NOTCH2: variants seen among roughly 807,000 people sequenced by gnomAD.
The protein encoded by NOTCH2 is notch receptor 2.
NOTCH2 carries 29 observed loss-of-function variants against 235.8 expected under a neutral mutation model. That is an observed-to-expected ratio of 0.12 (90% CI 0.09 to 0.17). NOTCH2 has a LOEUF of 0.17. Among genes scored for constraint, NOTCH2 ranks in the 10% least tolerant of loss-of-function variants. The pLI is 1.00. For missense variants in NOTCH2, 2,285 were observed against 3,150.2 expected, an observed-to-expected ratio of 0.73 and a Z score of 6.57; for synonymous variants, 1,086 against 1,141.5, an observed-to-expected ratio of 0.95 and a Z score of 0.98.
At chr1:119,959,063 G>A (rs1244848575) in intron 12 of NOTCH2, among the ~76,000 whole-genome samples, 1 of 152,134 alleles carries the variant, frequency 6.6e-6, no homozygotes, top group Non-Finnish European at 1.5e-5. Flanking sequence ...TGTCTTTACG[G>A]AAGGCCTTGA....
chr1:119,919,621 A>C lies in NOTCH2; in HGVS notation c.5480-8T>G. ...TCAATGGGGTGCAGCCATCTGTAGGAATGGAAAATTCCATAAAGTACTCAA... is the reference window on the plus strand; with the variant it reads ...TCAATGGGGTGCAGCCATCTGTAGGCATGGAAAATTCCATAAAGTACTCAA... On this transcript the variant is annotated splice_polypyrimidine_tract_variant and splice_region_variant and intron_variant, in intron 30 of 33. Coordinates refer to ENST00000256646, the MANE Select transcript of NOTCH2 (RefSeq NM_024408.4). 6.2e-7 allele frequency: 1 copy of C among 1,613,518 alleles called. No individual in the cohort carries two copies. The highest frequency in any genetic ancestry group is 8.5e-7 in the Non-Finnish European group (1 of 1,179,752).
In NOTCH2 at chr1:119,912,189, G is replaced by A. The variant is rs587692047; in HGVS notation, c.*3117C>T. On this transcript the variant is annotated 3_prime_UTR_variant, in exon 34 of 34. Coordinates refer to ENST00000256646, the MANE Select transcript of NOTCH2 (RefSeq NM_024408.4). The stretch of plus-strand genomic sequence containing the variant: ...TTACTACGTTTAGTCAGGAATATGC[G>A]GTCATTTTATTGGTTACTGGGTTTC... The A allele has an allele frequency of 1.3e-5, 3 of 233,282 alleles. No homozygotes were observed. The highest frequency in any genetic ancestry group is 1.8e-4 in the South Asian group (1 of 5,522). The allele number at this position is 233,282 out of a possible 1,614,324, so 14.5% of individuals were successfully genotyped here.
chr1:120,041,034 C>T (rs1203725242), intron 1 of NOTCH2, among the ~76,000 whole-genome samples: 3 of 86,558 alleles, frequency 3.5e-5, no homozygotes, highest in Non-Finnish European at 6.2e-5. Context: ...GAGCAAGACT[C>T]TGCCTGCAAA....
chr1:120,005,117 A>G, intron 3 of NOTCH2: 1 of 783,846 alleles, frequency 1.3e-6, no homozygotes, highest in Non-Finnish European at 2.1e-6. Flanking sequence ...CAGTCAAAGT[A>G]TTTGGTACTT....
At position 119,915,490 on chromosome 1, in the gene NOTCH2, T is replaced by G. The variant is rs1180633619; in HGVS notation, c.7232A>C (p.Glu2411Ala). ...TPSHSGHLQG[E>A]HPYLTPSPES... The stretch of plus-strand genomic sequence containing the variant: ...TGGGGATGGTGTCAGGTAGGGATGC[T>G]CACCCTGGAGGTGACCACTGTGACT... Residue 2411 changes from glutamate to alanine, a missense_variant, in exon 34 of 34, where the codon GAG (glutamate) becomes GCG (alanine). Glu to Ala is a moderately radical substitution (Grantham distance 107). Coordinates refer to ENST00000256646, the MANE Select transcript of NOTCH2 (RefSeq NM_024408.4). 5 of 1,614,130 alleles carry G rather than the reference T, an allele frequency of 3.1e-6. No homozygotes were observed. The highest frequency in any genetic ancestry group is 4.2e-6 in the Non-Finnish European group (5 of 1,180,014).
At position 119,912,766 on chromosome 1, in the gene NOTCH2, T is replaced by C. The variant is rs1422484640; in HGVS notation, c.*2540A>G. 8.6e-6 allele frequency: 2 copies of C among 233,472 alleles called. No individual in the cohort carries two copies. The highest frequency in any genetic ancestry group is 1.7e-5 in the Non-Finnish European group (2 of 118,020). 14.5% of individuals were successfully genotyped at this position (233,472 alleles called of 1,614,324 possible). On this transcript the variant is annotated 3_prime_UTR_variant, in exon 34 of 34. Transcript: ENST00000256646. ...GAGAAAGTGATTATCCATCTTACCT[T>C]CCCTTTTATTAGATACCACACAATT...
chr1:120,041,055 A>T (rs1393555170), intron 1 of NOTCH2, among the ~76,000 whole-genome samples: 1 of 112,728 alleles, frequency 8.9e-6, no homozygotes, highest in Non-Finnish European at 1.6e-5. Flanking sequence ...AAAAAAAAAA[A>T]AAAAAAAAAA....
intron 22 of NOTCH2, 57 bp downstream of exon 22, chr1:119,935,415 G>A (rs2101182170): frequency 6.8e-6 from 11 of 1,613,690 alleles, no homozygotes; most frequent in Non-Finnish European, 9.3e-6. Context: ...CACTAAGAAT[G>A]GATTTATAAC....
intron 1 of NOTCH2, among the ~76,000 whole-genome samples, chr1:120,064,620 C>T (rs1203627848): frequency 6.6e-6 from 1 of 150,970 alleles, no homozygotes; most frequent in Non-Finnish European, 1.5e-5. Context: ...GTGTGTAGCA[C>T]AGACCTGGCC....
At chr1:119,941,469 C>T in intron 18 of NOTCH2, 57 bp downstream of exon 18, 1 of 1,283,798 alleles carries the variant, frequency 7.8e-7, no homozygotes, top group Non-Finnish European at 1.1e-6. Flanking sequence ...CTGAAATTTC[C>T]TTCCCTTTCT....
At chr1:119,917,599 C>T (rs587676375) in intron 33 of NOTCH2, 66 bp downstream of exon 33, 33 of 1,040,324 alleles carry the variant, frequency 3.2e-5, no homozygotes, top group Middle Eastern at 2.0e-4. Flanking sequence ...TAAGGAGAAA[C>T]GGGAATGGGC....
chr1:119,929,600 C>A (rs1649586450), intron 22 of NOTCH2, among the ~76,000 whole-genome samples: 1 of 152,216 alleles, frequency 6.6e-6, no homozygotes, highest in Admixed American at 6.5e-5. Flanking sequence ...ACAATAAATA[C>A]AGTTATGCAA....
intron 4 of NOTCH2, among the ~76,000 whole-genome samples, chr1:119,988,829 C>T (rs1652119074): frequency 6.6e-6 from 1 of 152,116 alleles, no homozygotes; most frequent in Admixed American, 6.6e-5. Context: ...ACTAGGGTGT[C>T]AGGGAGGTAG....
chr1:119,955,161 C>T lies in NOTCH2; in HGVS notation c.2098G>A (p.Gly700Ser), dbSNP rs143227439. ...CATATACAGCGGAAACCATTCACAC[C>T]GTTGATACATGTTGCACCCTTGCGA... Reference protein sequence around the residue: ...PCRKGATCINGVNGFRCICPE... With the variant: ...PCRKGATCINSVNGFRCICPE... Residue 700 changes from glycine to serine, a missense_variant, in exon 13 of 34, where the codon GGT becomes AGT. Gly to Ser is a moderately conservative substitution (Grantham distance 56, BLOSUM62 0). Coordinates refer to ENST00000256646, the MANE Select transcript of NOTCH2 (RefSeq NM_024408.4). The T allele has an allele frequency of 1.1e-5, 18 of 1,614,030 alleles. No homozygotes were observed. In the Middle Eastern group the frequency reaches 6.6e-4, roughly 59 times the overall value.
intron 15 of NOTCH2, chr1:119,950,246 A>G (rs1324031927): frequency 1.4e-5 from 5 of 354,088 alleles, no homozygotes; most frequent in African/African-American, 1.1e-4. Context: ...TGAGCAAGCA[A>G]GCTCCCTTTG....
At chr1:119,950,536 T>G (rs1199653980) in intron 15 of NOTCH2, 188 bp downstream of exon 15, 1 of 698,682 alleles carries the variant, frequency 1.4e-6, no homozygotes, top group African/African-American at 1.7e-5. Context: ...TGTCCACCAC[T>G]TGCATCTTAG....
intron 29 of NOTCH2, among the ~76,000 whole-genome samples, chr1:119,920,925 A>C (rs1477883319): frequency 6.6e-6 from 1 of 152,220 alleles, no homozygotes; most frequent in African/African-American, 2.4e-5. Context: ...AATCATGATA[A>C]TTTAAAAGCA....
At chr1:119,982,734 C>A (rs1428100946) in intron 5 of NOTCH2, among the ~76,000 whole-genome samples, 1 of 152,236 alleles carries the variant, frequency 6.6e-6, no homozygotes, top group Non-Finnish European at 1.5e-5. Flanking sequence ...AATCATCTCC[C>A]CACACCCACT....
intron 23 of NOTCH2, among the ~76,000 whole-genome samples, chr1:119,927,381 A>G (rs1457067437): frequency 1.3e-5 from 2 of 152,198 alleles, no homozygotes; most frequent in Non-Finnish European, 2.9e-5. Context: ...AGCAAGAGGT[A>G]TAAATGTTTG....
Sources: gnomAD v4.1 joint callset for allele counts (sites outside exome capture counted in the v4.1 genomes callset) on GRCh38, gnomAD v4.1.1 for gene constraint, MANE v1.5 for transcripts, NCBI Gene and HGNC (gene_info 2026-07-23, HGNC 2026-07-21) for gene names.